The following ZNF521 variants were observed in gnomAD, a reference collection of about 807,000 sequenced individuals.
ZNF521 encodes LYST-interacting protein 3.
Under a neutral mutation model 105.5 loss-of-function variants are expected in ZNF521, and 14 were observed. That is an observed-to-expected ratio of 0.13 (90% CI 0.09 to 0.21). The LOEUF is 0.21. ZNF521 is among the 10% of genes least tolerant of loss of function. The pLI is 1.00. For synonymous variants in ZNF521, 635 were observed against 606.0 expected (o/e 1.05, Z -0.70); for missense variants, 1,233 against 1,629.7 (o/e 0.76, Z 4.19).
At chr18:25,080,816 C>T (rs1289066250) in intron 7 of ZNF521, among the ~76,000 whole-genome samples, 1 of 152,216 alleles carries the variant, frequency 6.6e-6, no homozygotes, top group Admixed American at 6.5e-5. Flanking sequence ...CACTTTGTCT[C>T]TGCTAATGTG....
At chr18:25,297,736 AAC>A (rs1911406055) in intron 3 of ZNF521, among the ~76,000 whole-genome samples, 1 of 152,120 alleles carries the variant, frequency 6.6e-6, no homozygotes, top group Non-Finnish European at 1.5e-5. Context: ...GAAAGAAATA[AAC>A]AGTTTCTCTA....
chr18:25,216,659 T>C (rs1905344638), intron 4 of ZNF521, among the ~76,000 whole-genome samples: 1 of 152,106 alleles, frequency 6.6e-6, no homozygotes, highest in South Asian at 2.1e-4. Context: ...CCTGGGCTCA[T>C]GCAATCCTCC....
At chr18:25,192,821 G>T (rs1282766281) in intron 5 of ZNF521, among the ~76,000 whole-genome samples, 2 of 152,006 alleles carry the variant, frequency 1.3e-5, no homozygotes, top group African/African-American at 4.8e-5. Context: ...CTAAAAAGGG[G>T]TATCTTAGCC....
intron 3 of ZNF521, among the ~76,000 whole-genome samples, chr18:25,272,740 C>T (rs1036254969): frequency 1.3e-4 from 19 of 151,794 alleles, no homozygotes; most frequent in Admixed American, 8.5e-4. Flanking sequence ...GGGAGGGGAA[C>T]ATCACACACC....
In ZNF521 at chr18:25,224,420, T is replaced by C; in HGVS notation, c.3498A>G (p.Pro1166=). The C allele has an allele frequency of 6.2e-7, 1 of 1,613,944 alleles. No individual in the cohort carries two copies. Among genetic ancestry groups the C allele is most frequent in the Non-Finnish European group, 8.5e-7 (1 of 1,179,984 alleles). ...HIQTIHRELV[P]DSNSTQLKTP... The stretch of plus-strand genomic sequence containing the variant: ...TTTTCAACTGTGTGCTGTTGCTGTC[T>C]GGCACGAGCTCTCGGTGGATGGTTT... Residue 1166 remains proline (P), a synonymous_variant, in exon 4 of 8, where the codon CCA becomes CCG. Transcript: ENST00000361524.
intron 2 of ZNF521, among the ~76,000 whole-genome samples, chr18:25,334,494 G>A (rs984849345): frequency 6.6e-6 from 1 of 152,176 alleles, no homozygotes; most frequent in Non-Finnish European, 1.5e-5. Context: ...TGAGAGCAAT[G>A]ATAACTGACA....
Position 25,297,142 on chromosome 18 carries a change from CAT to C in ZNF521, c.220+24864_220+24865del, listed in dbSNP as rs1555659980. Among the ~76,000 whole-genome samples, 45 of 146,318 alleles carry C rather than the reference CAT, an allele frequency of 3.1e-4. No homozygotes were observed. In the South Asian group the frequency reaches 3.9e-3, roughly 13 times the overall value. ...CCCTTTATACACACACACACACACA[CAT>C]ATATATATATACTGAATTAAAATGG... On this transcript the variant is annotated intron_variant, in intron 3 of 7. Coordinates refer to ENST00000361524, the MANE Select transcript of ZNF521 (RefSeq NM_015461.3).
At chr18:25,065,230 T>C (rs2144099178) in intron 7 of ZNF521, among the ~76,000 whole-genome samples, 1 of 152,284 alleles carries the variant, frequency 6.6e-6, no homozygotes, top group African/African-American at 2.4e-5. Flanking sequence ...GATACGATAA[T>C]ACAGATCGAG....
At chr18:25,250,621 T>C (rs1258369795) in intron 3 of ZNF521, among the ~76,000 whole-genome samples, 2 of 152,204 alleles carry the variant, frequency 1.3e-5, no homozygotes, top group Non-Finnish European at 2.9e-5. Flanking sequence ...AGCTGCCAAA[T>C]GTGTTATCTT....
At chr18:25,192,829 G>C (rs1222477782) in intron 5 of ZNF521, among the ~76,000 whole-genome samples, 1 of 151,976 alleles carries the variant, frequency 6.6e-6, no homozygotes, top group African/African-American at 2.4e-5. Context: ...GGGTATCTTA[G>C]CCTTTGTGAC....
At chr18:25,135,434 G>T (rs965157216) in intron 5 of ZNF521, among the ~76,000 whole-genome samples, 2 of 152,020 alleles carry the variant, frequency 1.3e-5, no homozygotes, top group African/African-American at 4.8e-5. Flanking sequence ...GGATGATGGG[G>T]GTTGGGCTGG....
chr18:25,098,440 AT>A (rs886867375), intron 5 of ZNF521, among the ~76,000 whole-genome samples: 134 of 148,430 alleles, frequency 9.0e-4, no homozygotes, highest in Middle Eastern at 3.5e-3. Context: ...CTTTGCCCTC[AT>A]TTTTTTTTTA....
intron 2 of ZNF521, among the ~76,000 whole-genome samples, chr18:25,349,562 G>C (rs1340036740): frequency 6.6e-6 from 1 of 152,296 alleles, no homozygotes; most frequent in East Asian, 1.9e-4. Context: ...GTGCGGTGAG[G>C]GCTCCGTTCA....
intron 5 of ZNF521, among the ~76,000 whole-genome samples, chr18:25,099,760 C>A (rs2033928567): frequency 6.6e-6 from 1 of 152,090 alleles, no homozygotes; most frequent in Admixed American, 6.6e-5. Context: ...ATATCAAATA[C>A]CTTCTATTAA....
chr18:25,094,618 T>C (rs1430440908), intron 5 of ZNF521, among the ~76,000 whole-genome samples: 1 of 152,178 alleles, frequency 6.6e-6, no homozygotes, highest in Non-Finnish European at 1.5e-5. Flanking sequence ...CTGCCTTTTA[T>C]TTTTAAGTTA....
chr18:25,329,819 A>G (rs139027778), intron 2 of ZNF521, among the ~76,000 whole-genome samples: 29 of 152,346 alleles, frequency 1.9e-4, no homozygotes, highest in African/African-American at 6.3e-4. Context: ...GGCATGGACA[A>G]AGATCAGACC....
intron 4 of ZNF521, among the ~76,000 whole-genome samples, chr18:25,215,569 G>C (rs900301742): frequency 6.6e-6 from 1 of 152,104 alleles, no homozygotes; most frequent in African/African-American, 2.4e-5. Context: ...AAGTCCTTTG[G>C]CCTAGTACCA....
At chr18:25,108,760 G>A (rs2034124196) in intron 5 of ZNF521, among the ~76,000 whole-genome samples, 1 of 115,662 alleles carries the variant, frequency 8.6e-6, no homozygotes, top group African/African-American at 3.0e-5. Flanking sequence ...GAGTAGCTGG[G>A]ACTACAGGCG....
chr18:25,130,022 C>T (rs2034611573), intron 5 of ZNF521, among the ~76,000 whole-genome samples: 2 of 152,198 alleles, frequency 1.3e-5, no homozygotes, highest in Non-Finnish European at 2.9e-5. Flanking sequence ...TATGTCCACA[C>T]AAAAACCTGC....
Sources: gnomAD v4.1 joint callset for allele counts (sites outside exome capture counted in the v4.1 genomes callset) on GRCh38, gnomAD v4.1.1 for gene constraint, MANE v1.5 for transcripts, NCBI Gene and HGNC (gene_info 2026-07-23, HGNC 2026-07-21) for gene names.